The following UGT3A1 variants were observed in gnomAD, a reference collection of about 807,000 sequenced individuals.
The protein encoded by UGT3A1 is UDP glycosyltransferase family 3 member A1, also known as UDP-glycosyltransferase 3A1.
Under a neutral mutation model 37.6 loss-of-function variants are expected in UGT3A1, and 40 were observed. The ratio of observed to expected loss-of-function variants is 1.06; its 90% CI spans 0.83 to 1.38. The LOEUF is 1.38. Ranked by LOEUF, UGT3A1 falls within the 40% of genes most tolerant of loss-of-function variation. The pLI, the probability that UGT3A1 is intolerant of heterozygous loss-of-function variation, is 0.00. For synonymous variants in UGT3A1, 256 were observed against 232.3 expected (o/e 1.10, Z -0.93); for missense variants, 642 against 634.2 (o/e 1.01, Z -0.13).
chr5:35,988,782 T>G (rs1193512008), intron 1 of UGT3A1, among the ~76,000 whole-genome samples: 9 of 152,240 alleles, frequency 5.9e-5, no homozygotes, highest in South Asian at 4.2e-4. Context: ...GTGGCAATCC[T>G]CCATCAAAGA....
At chr5:35,976,669 G>T (rs1033013370) in intron 2 of UGT3A1, among the ~76,000 whole-genome samples, 3 of 151,874 alleles carry the variant, frequency 2.0e-5, no homozygotes, top group Non-Finnish European at 4.4e-5. Context: ...GTGAGATACC[G>T]ACTCTACAAA....
chr5:35,986,112 T>G (rs988132278), intron 2 of UGT3A1, among the ~76,000 whole-genome samples: 2 of 151,854 alleles, frequency 1.3e-5, no homozygotes, highest in Non-Finnish European at 2.9e-5. Flanking sequence ...CTCAGAAAAA[T>G]GCAAATCAAA....
At position 35,977,470 on chromosome 5, in the gene UGT3A1, C is replaced by T. The variant is rs780066064; in HGVS notation, c.197-9337G>A. The stretch of plus-strand genomic sequence containing the variant: ...GTCTTGGGATCAGATACCTCATGGA[C>T]AGCTTGGTGCTGTCACCATGGTAGT... On this transcript the variant is annotated intron_variant, in intron 2 of 6. Transcript: ENST00000274278. 1.2e-3 allele frequency among the ~76,000 whole-genome samples: 190 copies of T among 152,298 alleles called. 1 individual carries two copies. The highest frequency in any genetic ancestry group is 2.2e-3 in the Non-Finnish European group (151 of 68,032).
At chr5:35,965,349 A>T in intron 4 of UGT3A1, 37 bp downstream of exon 4, 1 of 1,598,556 alleles carries the variant, frequency 6.3e-7, no homozygotes. Flanking sequence ...CAAGGACTCT[A>T]TGTGAATCCC....
In UGT3A1 at chr5:35,954,057, C is replaced by T. The variant is rs1394649874; in HGVS notation, c.*145G>A. Reference sequence around the variant, plus strand: ...TCAGTGGTGCGTGAAGATTTCTAAACAGAGGCAGAGAATAGAAAGAAGCAA... The same window carrying T: ...TCAGTGGTGCGTGAAGATTTCTAAATAGAGGCAGAGAATAGAAAGAAGCAA... On this transcript the variant is annotated 3_prime_UTR_variant, in exon 7 of 7. Coordinates refer to ENST00000274278, the MANE Select transcript of UGT3A1 (RefSeq NM_152404.4). 2.3e-6 allele frequency: 2 copies of T among 884,256 alleles called. No homozygotes were observed. Among genetic ancestry groups the T allele is most frequent in the Non-Finnish European group, 3.4e-6 (2 of 586,170 alleles). 54.8% of individuals were successfully genotyped at this position (884,256 alleles called of 1,614,324 possible). A position where few individuals can be genotyped will look rare whatever the true frequency, so the allele number is the denominator to read the frequency against.
chr5:35,992,226 T>A (rs545377508), upstream of UGT3A1, among the ~76,000 whole-genome samples: 2 of 152,366 alleles, frequency 1.3e-5, no homozygotes, highest in South Asian at 4.1e-4. Context: ...ATTTTTAATC[T>A]GAATTTAAAG....
chr5:35,981,350 G>A (rs939225284), intron 2 of UGT3A1, among the ~76,000 whole-genome samples: 1 of 152,180 alleles, frequency 6.6e-6, no homozygotes, highest in African/African-American at 2.4e-5. Context: ...AGTGGCCCTT[G>A]TTGAATGATT....
chr5:35,963,030 A>C, intron 4 of UGT3A1: 1 of 677,934 alleles, frequency 1.5e-6, no homozygotes, highest in Non-Finnish European at 2.7e-6. Context: ...GGGAGAGAGA[A>C]AGCAAGGGAC....
chr5:35,954,893 T>C (rs1032010414), intron 6 of UGT3A1: 1 of 169,554 alleles, frequency 5.9e-6, no homozygotes, highest in Non-Finnish European at 1.3e-5. Context: ...ATTGGCTGGA[T>C]GGGCAGTAAC....
rs116052914 is a variant in UGT3A1 at position 35,980,002 on chromosome 5, T to A, written c.196+8448A>T. Among the ~76,000 whole-genome samples, 571 of 152,298 alleles carry A rather than the reference T, an allele frequency of 3.7e-3. 3 individuals carry two copies. The highest frequency in any genetic ancestry group is 0.013 in the African/African-American group (558 of 41,556). On this transcript the variant is annotated intron_variant, in intron 2 of 6. Transcript: ENST00000274278. ...GCACAGGAAAGACCTGTCCTCATGA[T>A]TTAATTACTTCCCACCAGGTTTCTT...
At chr5:35,969,059 C>G (rs1739932204) in intron 2 of UGT3A1, among the ~76,000 whole-genome samples, 1 of 152,168 alleles carries the variant, frequency 6.6e-6, no homozygotes, top group African/African-American at 2.4e-5. Context: ...ACCCTATGAG[C>G]ACTGGTTATG....
chr5:35,954,476 T>C lies in UGT3A1; in HGVS notation c.1298A>G (p.Tyr433Cys), dbSNP rs773093984. 6.8e-6 allele frequency: 11 copies of C among 1,613,626 alleles called. No homozygotes were observed. In the East Asian group the frequency reaches 2.2e-4, roughly 33 times the overall value. Residue 433 changes from tyrosine to cysteine, a missense_variant and splice_region_variant, in exon 7 of 7, where the codon TAC becomes TGC. Transcript: ENST00000274278. The stretch of plus-strand genomic sequence containing the variant: ...ACTGGCTGCCACCACTGCCGACTTG[T>C]ACCTGTTGGCGGAGACAGAGAGGGT... ...TMKQVIEDKR[Y>C]KSAVVAASVI... is the part of the protein sequence containing the mutation.
chr5:35,988,641 C>G (rs1225224534), intron 1 of UGT3A1, 90 bp from the exon 2 acceptor site: 1 of 967,924 alleles, frequency 1.0e-6, no homozygotes, highest in Non-Finnish European at 1.6e-6. Context: ...GGAAATTCAG[C>G]AGAAAAAGCA....
chr5:35,975,343 T>A (rs995878333), intron 2 of UGT3A1, among the ~76,000 whole-genome samples: 4 of 152,216 alleles, frequency 2.6e-5, no homozygotes, highest in Non-Finnish European at 1.5e-5. Flanking sequence ...CAGGGTAACC[T>A]AGTCAGCTAT....
At chr5:35,988,603 G>A (rs745430179) in intron 1 of UGT3A1, 52 bp from the exon 2 acceptor site, 1 of 1,383,582 alleles carries the variant, frequency 7.2e-7, no homozygotes, top group South Asian at 1.2e-5. Flanking sequence ...AGTTTCTGAT[G>A]ACAATATGGG....
chr5:35,999,236 C>CAA (rs34007699), intron 1 of UGT3A1, among the ~76,000 whole-genome samples: 32,793 of 102,632 alleles, frequency 0.32, 4,762 homozygotes, highest in South Asian at 0.52. Context: ...GACTCCATCT[C>CAA]AAAAAAAAAA....
chr5:35,979,191 A>C (rs1740420259), intron 2 of UGT3A1, among the ~76,000 whole-genome samples: 1 of 151,998 alleles, frequency 6.6e-6, no homozygotes, highest in Non-Finnish European at 1.5e-5. Flanking sequence ...TTTCCCCACT[A>C]TCTTGGGGAT....
chr5:35,955,658 T>G lies in UGT3A1; in HGVS notation c.1282A>C (p.Ile428Leu). The G allele has an allele frequency of 6.2e-7, 1 of 1,614,258 alleles. No individual in the cohort carries two copies. The highest frequency in any genetic ancestry group is 8.5e-7 in the Non-Finnish European group (1 of 1,180,044). ...DTLTLTMKQV[I>L]EDKRYKSAVV... ...AGAGCCACATACCTCTTGTCTTCTATGACTTGTTTCATTGTAAGTGTCAGT... is the reference window on the plus strand; with the variant it reads ...AGAGCCACATACCTCTTGTCTTCTAGGACTTGTTTCATTGTAAGTGTCAGT... The change falls in exon 6 of 7, where the codon ATA becomes CTA. Residue 428 changes from isoleucine to leucine, a missense_variant. Ile to Leu is a conservative substitution (Grantham distance 5). Transcript: ENST00000274278.
chr5:35,954,013 A>C lies in UGT3A1; in HGVS notation c.*189T>G. 1 of 624,886 alleles carries C rather than the reference A, an allele frequency of 1.6e-6. No homozygotes were observed. Among genetic ancestry groups the C allele is most frequent in the Non-Finnish European group, 2.7e-6 (1 of 372,224 alleles). The allele number at this position is 624,886 out of a possible 1,614,324, so 38.7% of individuals were successfully genotyped here. A position where few individuals can be genotyped will look rare whatever the true frequency, so the allele number is the denominator to read the frequency against. On this transcript the variant is annotated 3_prime_UTR_variant, in exon 7 of 7. Transcript: ENST00000274278. ...ATCTGAGCTGGGGTTTCAAGTCACA[A>C]GGGGCAAGTCAAGAAGCCTCAGTGG...
Sources: gnomAD v4.1 joint callset for allele counts (sites outside exome capture counted in the v4.1 genomes callset) on GRCh38, gnomAD v4.1.1 for gene constraint, MANE v1.5 for transcripts, NCBI Gene and HGNC (gene_info 2026-07-23, HGNC 2026-07-21) for gene names.